Variants in GOLGB1 observed in about 807,000 individuals in gnomAD.
GOLGB1 encodes the protein golgin B1, also known as golgin subfamily B member 1.
GOLGB1 carries 174 observed loss-of-function variants against 336.9 expected under a neutral mutation model. That is an observed-to-expected ratio of 0.52 (90% confidence interval 0.46 to 0.59). GOLGB1 has a LOEUF of 0.59. Among genes scored for constraint, GOLGB1 ranks in the 20% least tolerant of loss-of-function variants. GOLGB1 has a pLI of 0.00. For missense variants in GOLGB1, 3,331 were observed against 3,645.3 expected, an observed-to-expected ratio of 0.91 and a Z score of 2.22; for synonymous variants, 1,208 against 1,289.2, an observed-to-expected ratio of 0.94 and a Z score of 1.35.
intron 1 of GOLGB1, among the ~76,000 whole-genome samples, chr3:121,747,776 G>C (rs953146902): frequency 6.6e-6 from 1 of 151,868 alleles, no homozygotes; most frequent in African/African-American, 2.4e-5. Context: ...AATGGAGATG[G>C]GTAGATCAGT....
chr3:121,668,621 C>T (rs36142735), intron 18 of GOLGB1: 33,108 of 146,946 alleles, frequency 0.23, 4,177 homozygotes, highest in Non-Finnish European at 0.29. Context: ...TGCAGTGAGC[C>T]GAGATCGTGC....
intron 10 of GOLGB1, among the ~76,000 whole-genome samples, chr3:121,709,345 A>G (rs970922609): frequency 3.3e-5 from 5 of 152,222 alleles, no homozygotes; most frequent in Admixed American, 3.3e-4. Context: ...TTTGTAGAAC[A>G]TTACATCCAA....
At position 121,697,128 on chromosome 3, in the gene GOLGB1, G is replaced by T; in HGVS notation, c.3395C>A (p.Thr1132Lys). Residue 1132 changes from threonine (T) to lysine (K), a missense_variant, in exon 13 of 22, where the codon ACA becomes AAA. Physicochemically the swap from Thr to Lys is moderately conservative, Grantham distance 78. Transcript: ENST00000614479. The stretch of plus-strand genomic sequence containing the variant: ...CCCATCACTTGCATCCGTGTTACTT[G>T]TGATTAACTTCTGGATAATTGCTTG... The part of the protein sequence containing the change: ...ENQAIIQKLI[T>K]SNTDASDGDS... 1.2e-6 allele frequency: 2 copies of T among 1,614,048 alleles called. No homozygotes were observed. The highest frequency in any genetic ancestry group is 1.7e-6 in the Non-Finnish European group (2 of 1,179,976).
intron 10 of GOLGB1, among the ~76,000 whole-genome samples, chr3:121,709,019 C>T (rs1944122320): frequency 6.6e-6 from 1 of 152,020 alleles, no homozygotes; most frequent in Non-Finnish European, 1.5e-5. Flanking sequence ...AAGAATATAC[C>T]ATTCAAGCAA....
chr3:121,664,657 G>A, intron 21 of GOLGB1, 43 bp from the exon 22 acceptor site: 4 of 1,591,806 alleles, frequency 2.5e-6, no homozygotes, highest in African/African-American at 2.7e-5. Context: ...CACCCTATAG[G>A]GCTATGTTGC....
Position 121,667,470 on chromosome 3 carries a change from C to A in GOLGB1, c.9554+6G>T. 1 of 1,613,602 alleles carries A rather than the reference C, an allele frequency of 6.2e-7. No individual in the cohort carries two copies. The highest frequency in any genetic ancestry group is 1.1e-5 in the South Asian group (1 of 91,034). ...GGGAACAGAGGCTATCTCCTTCAGC[C>A]TTTACCGTCTGATCTGCTCCTCGGC... On this transcript the variant is annotated splice_donor_region_variant and intron_variant, in intron 20 of 21. Transcript: ENST00000614479.
chr3:121,708,787 A>C (rs1944098611), intron 10 of GOLGB1, among the ~76,000 whole-genome samples: 2 of 152,202 alleles, frequency 1.3e-5, no homozygotes, highest in African/African-American at 4.8e-5. Context: ...AGAAACTTCT[A>C]ATTATCGAAT....
chr3:121,690,645 C>A (rs2107772820), intron 14 of GOLGB1, 25 bp downstream of exon 14: 2 of 1,241,422 alleles, frequency 1.6e-6, no homozygotes, highest in South Asian at 1.6e-5. Context: ...TTAAACAGAT[C>A]AGAAAGAAAG....
intron 14 of GOLGB1, among the ~76,000 whole-genome samples, chr3:121,685,232 T>G (rs937793542): frequency 2.0e-5 from 3 of 152,098 alleles, no homozygotes; most frequent in African/African-American, 7.2e-5. Flanking sequence ...AGGAAGGGGT[T>G]TGTATTAAAA....
intron 1 of GOLGB1, among the ~76,000 whole-genome samples, chr3:121,745,713 G>T (rs1947240938): frequency 6.6e-6 from 1 of 152,110 alleles, no homozygotes; most frequent in Admixed American, 6.6e-5. Flanking sequence ...CTAAGGAAAA[G>T]AATAAAACAC....
Position 121,718,410 on chromosome 3 carries a change from G to A in GOLGB1, c.863C>T (p.Thr288Ile). The part of the protein sequence containing the change: ...QVVDLLQQEL[T>I]AAEQRNQILS... ...TACCTGGTTTCTCTGCTCAGCAGCA[G>A]TCAGCTCCTGTTGCAGCAAGTCAAC... The change falls in exon 8 of 22, where the codon ACT (threonine) becomes ATT (isoleucine). Residue 288 changes from threonine to isoleucine, a missense_variant. By Grantham distance (89) the Thr-to-Ile change is moderately conservative (BLOSUM62 -1). Transcript: ENST00000614479. The A allele has an allele frequency of 6.2e-7, 1 of 1,611,678 alleles. No homozygotes were observed. The highest frequency in any genetic ancestry group is 1.7e-4 in the Middle Eastern group (1 of 6,058).
intron 2 of GOLGB1, among the ~76,000 whole-genome samples, chr3:121,730,387 AG>A (rs1946000931): frequency 6.6e-6 from 1 of 152,184 alleles, no homozygotes. Context: ...AAAACTAAGA[AG>A]TTTTATTAAT....
At chr3:121,749,428 G>A (rs143047449) in intron 1 of GOLGB1, among the ~76,000 whole-genome samples, 1 of 152,336 alleles carries the variant, frequency 6.6e-6, no homozygotes, top group Non-Finnish European at 1.5e-5. Context: ...GCCCACCGGA[G>A]AGGCCGAGGC....
intron 17 of GOLGB1, among the ~76,000 whole-genome samples, chr3:121,676,267 CT>C (rs1372007883): frequency 6.6e-6 from 1 of 152,198 alleles, no homozygotes; most frequent in African/African-American, 2.4e-5. Flanking sequence ...ACTCCAGGGC[CT>C]TTTTCCTCAT....
chr3:121,726,900 C>T lies in GOLGB1; in HGVS notation c.531+13G>A. 1 of 1,564,134 alleles carries T rather than the reference C, an allele frequency of 6.4e-7. No homozygotes were observed. The highest frequency in any genetic ancestry group is 8.7e-7 in the Non-Finnish European group (1 of 1,155,188). On this transcript the variant is annotated intron_variant, in intron 5 of 21. Transcript: ENST00000614479. ...CATTAACCTAATGATTATGAAGTAA[C>T]TTCCACCCCTACCTGTGCAGGTTGT...
At chr3:121,718,028 TGTG>T (rs1286339320) in intron 8 of GOLGB1, among the ~76,000 whole-genome samples, 1 of 152,236 alleles carries the variant, frequency 6.6e-6, no homozygotes. Flanking sequence ...ATTTTCCACT[TGTG>T]GTGTCATGTT....
Position 121,694,484 on chromosome 3 carries a change from C to T in GOLGB1, c.6039G>A (p.Lys2013=). 2.5e-6 allele frequency: 4 copies of T among 1,611,244 alleles called. No individual in the cohort carries two copies. In the South Asian group the frequency reaches 4.4e-5, roughly 18 times the overall value. The change falls in exon 13 of 22, where the codon AAG becomes AAA. Residue 2013 remains lysine, a synonymous_variant. Transcript: ENST00000614479. ...QKEPGNKSHA[K]ELQELLKEKQ... is the part of the protein sequence containing the mutation. ...TTTCTTTTAACAGTTCCTGAAGTTC[C>T]TTTGCATGGCTTTTATTTCCGGGTT...
At chr3:121,665,093 A>G in intron 20 of GOLGB1, 62 bp from the exon 21 acceptor site, 1 of 877,852 alleles carries the variant, frequency 1.1e-6, no homozygotes, top group Non-Finnish European at 1.9e-6. Context: ...GATCAGGCCC[A>G]GTCTTCCCAG....
At chr3:121,737,679 G>A (rs954165086) in intron 1 of GOLGB1, among the ~76,000 whole-genome samples, 2 of 150,688 alleles carry the variant, frequency 1.3e-5, no homozygotes, top group Admixed American at 6.6e-5. Context: ...TCAGCAAGAA[G>A]AAATATAAAA....
Sources: allele counts gnomAD v4.1 joint callset (sites outside exome capture counted in the v4.1 genomes callset), GRCh38; gene constraint gnomAD v4.1.1; transcripts MANE v1.5; gene names NCBI Gene and HGNC (gene_info 2026-07-23, HGNC 2026-07-21).